LIFR: variants seen among roughly 807,000 people sequenced by gnomAD.
LIFR encodes leukemia inhibitory factor receptor.
LIFR carries 84 observed loss-of-function variants against 122.2 expected under a neutral mutation model. The ratio of observed to expected loss-of-function variants is 0.69; its 90% CI spans 0.58 to 0.82. The LOEUF (loss-of-function observed/expected upper bound fraction) is 0.82, where lower values mean the gene tolerates loss of function less well. Ranked by LOEUF, LIFR falls within the 40% of genes least tolerant of loss-of-function variation. LIFR has a pLI of 0.00. For synonymous variants in LIFR, 422 were observed against 434.7 expected, an observed-to-expected ratio of 0.97 and a Z score of 0.36; for missense variants, 1,294 against 1,311.6, an observed-to-expected ratio of 0.99 and a Z score of 0.21.
intron 5 of LIFR, among the ~76,000 whole-genome samples, chr5:38,516,759 T>C (rs1746105385): frequency 6.6e-6 from 1 of 152,110 alleles, no homozygotes; most frequent in Non-Finnish European, 1.5e-5. Flanking sequence ...CATGCACACA[T>C]AGGTTTACTG....
chr5:38,603,485 C>G (rs1750261951), intron 2 of LIFR, among the ~76,000 whole-genome samples: 1 of 152,152 alleles, frequency 6.6e-6, no homozygotes, highest in Non-Finnish European at 1.5e-5. Context: ...CAGCAGAAAC[C>G]TGTTTAATCT....
At chr5:38,521,673 G>A (rs1268656157) in intron 5 of LIFR, among the ~76,000 whole-genome samples, 3 of 152,186 alleles carry the variant, frequency 2.0e-5, no homozygotes, top group Non-Finnish European at 4.4e-5. Flanking sequence ...GCCAGCAGGT[G>A]TGGTGTGGGT....
intron 11 of LIFR, among the ~76,000 whole-genome samples, chr5:38,500,521 A>C (rs1009377638): frequency 6.6e-6 from 1 of 152,208 alleles, no homozygotes; most frequent in Non-Finnish European, 1.5e-5. Flanking sequence ...TCTGTGCATG[A>C]AACAAATTTG....
chr5:38,503,902 T>C, intron 10 of LIFR, 74 bp downstream of exon 10: 1 of 1,069,376 alleles, frequency 9.4e-7, no homozygotes, highest in Non-Finnish European at 1.4e-6. Context: ...CTTAAGCATA[T>C]CAATTTGCTT....
chr5:38,576,382 G>A (rs1406348570), intron 1 of LIFR, among the ~76,000 whole-genome samples: 1 of 152,106 alleles, frequency 6.6e-6, no homozygotes, highest in Non-Finnish European at 1.5e-5. Flanking sequence ...TTTCTTACAG[G>A]TAAGAGCCAG....
At chr5:38,535,655 C>A (rs968766394) in intron 1 of LIFR, among the ~76,000 whole-genome samples, 6 of 152,128 alleles carry the variant, frequency 3.9e-5, no homozygotes, top group Non-Finnish European at 1.5e-5. Flanking sequence ...TCCCTACAGA[C>A]CGTCAGATCC....
rs142809147 is a variant in LIFR at position 38,502,489 on chromosome 5, C to T, written c.1600+148G>A. On this transcript the variant is annotated intron_variant, in intron 11 of 19. Coordinates refer to ENST00000453190, the MANE Select transcript of LIFR (RefSeq NM_001127671.2). Reference sequence around the variant, plus strand: ...GGTCAGGCTGGTCTCAAACTCCCAACCTCAGGTAATCTGCCCACCTCGGCC... The same window carrying T: ...GGTCAGGCTGGTCTCAAACTCCCAATCTCAGGTAATCTGCCCACCTCGGCC... 0.012 allele frequency: 7,693 copies of T among 640,894 alleles called. 66 individuals carry two copies. Among genetic ancestry groups the T allele is most frequent in the Middle Eastern group, 0.033 (75 of 2,252 alleles). The allele number at this position is 640,894 out of a possible 1,614,324, so 39.7% of individuals were successfully genotyped here. A position where few individuals can be genotyped will look rare whatever the true frequency, so the allele number is the denominator to read the frequency against.
At chr5:38,544,328 C>T (rs1747757132) in intron 1 of LIFR, among the ~76,000 whole-genome samples, 1 of 152,116 alleles carries the variant, frequency 6.6e-6, no homozygotes, top group South Asian at 2.1e-4. Flanking sequence ...CACTCTCTGT[C>T]CTGCATCCCC....
intron 1 of LIFR, among the ~76,000 whole-genome samples, chr5:38,539,955 C>T (rs1038783011): frequency 2.0e-5 from 3 of 152,154 alleles, no homozygotes; most frequent in Non-Finnish European, 4.4e-5. Context: ...TTATTTCCCT[C>T]TTTTTATAAT....
chr5:38,528,907 T>C (rs1746852379), intron 2 of LIFR, 67 bp from the exon 3 acceptor site: 1 of 938,194 alleles, frequency 1.1e-6, no homozygotes, highest in Non-Finnish European at 1.7e-6. Flanking sequence ...ATATGCTGAA[T>C]AAGTCAACTG....
intron 1 of LIFR, among the ~76,000 whole-genome samples, chr5:38,533,079 A>AT (rs1181966509): frequency 6.6e-6 from 1 of 152,156 alleles, no homozygotes; most frequent in Non-Finnish European, 1.5e-5. Context: ...AAATATGCTG[A>AT]TTTTTCCAGA....
At chr5:38,489,026 G>A in intron 16 of LIFR, 52 bp downstream of exon 16, 1 of 1,488,062 alleles carries the variant, frequency 6.7e-7, no homozygotes, top group Non-Finnish European at 9.4e-7. Flanking sequence ...TTCTGTTGTG[G>A]TTAATGAGAA....
upstream of LIFR, among the ~76,000 whole-genome samples, chr5:38,596,215 C>T (rs746605034): frequency 7.2e-5 from 11 of 152,172 alleles, no homozygotes; most frequent in Non-Finnish European, 1.5e-4. Flanking sequence ...GATTCATGGA[C>T]CAGTTGCACC....
rs3729751 is a variant in LIFR, at chr5:38,481,601, G to A, written c.3288C>T (p.Asn1096=). 6.8e-4 allele frequency: 1,096 copies of A among 1,614,072 alleles called. 6 individuals carry two copies. The African/African-American group carries it at 0.012, about 18-fold the overall frequency. Residue 1096 remains asparagine (N), a synonymous_variant, in exon 20 of 20, where the codon AAC becomes AAT. Transcript: ENST00000453190. Reference sequence around the variant, plus strand: ...AAGTGACACGGTGACACTGTTAATCGTTTGGTTTGTTCTGAAAAAAGTTTG... The same window carrying A: ...AAGTGACACGGTGACACTGTTAATCATTTGGTTTGTTCTGAAAAAAGTTTG... ...SFTNFFQNKP[N]D is the part of the protein sequence containing the mutation.
chr5:38,504,263 T>C (rs1745334605), intron 9 of LIFR, 142 bp from the exon 10 acceptor site: 1 of 630,880 alleles, frequency 1.6e-6, no homozygotes, highest in Non-Finnish European at 2.8e-6. Flanking sequence ...TTTGTGGAAT[T>C]GACAAACCTA....
intron 1 of LIFR, among the ~76,000 whole-genome samples, chr5:38,555,408 C>T (rs1748465452): frequency 1.3e-5 from 2 of 152,128 alleles, no homozygotes; most frequent in African/African-American, 4.8e-5. Flanking sequence ...CATTTCTGGA[C>T]CCCTGCCTAA....
intron 3 of LIFR, 92 bp downstream of exon 3, chr5:38,528,634 A>T (rs1343733241): frequency 1.2e-6 from 1 of 809,986 alleles, no homozygotes; most frequent in African/African-American, 1.7e-5. Flanking sequence ...GCAGGAAATA[A>T]CCCTTTAGTT....
At chr5:38,574,130 A>C (rs1381369488) in intron 1 of LIFR, among the ~76,000 whole-genome samples, 4 of 151,934 alleles carry the variant, frequency 2.6e-5, no homozygotes, top group Non-Finnish European at 4.4e-5. Context: ...AAACACAACA[A>C]AACAAAAAAA....
At chr5:38,527,615 T>A (rs1746763299) in intron 3 of LIFR, among the ~76,000 whole-genome samples, 1 of 152,118 alleles carries the variant, frequency 6.6e-6, no homozygotes, top group Non-Finnish European at 1.5e-5. Context: ...ACTCCACCCC[T>A]TCACTGAGGG....
Sources: gnomAD v4.1 joint callset for allele counts (sites outside exome capture counted in the v4.1 genomes callset) on GRCh38, gnomAD v4.1.1 for gene constraint, MANE v1.5 for transcripts, NCBI Gene and HGNC (gene_info 2026-07-23, HGNC 2026-07-21) for gene names.